PCDH11X: variants seen among roughly 807,000 people sequenced by gnomAD.
PCDH11X encodes the protein protocadherin-11 X-linked.
In PCDH11X, 18 loss-of-function variants were observed where a neutral mutation model predicts 53.3. The ratio of observed to expected loss-of-function variants is 0.34; its 90% CI spans 0.23 to 0.50. The LOEUF (loss-of-function observed/expected upper bound fraction) is 0.50. Ranked by LOEUF, PCDH11X falls within the 20% of genes least tolerant of loss-of-function variation. The pLI, the probability that PCDH11X is intolerant of heterozygous loss-of-function variation, is 0.98. For synonymous variants in PCDH11X, 279 were observed against 393.3 expected (o/e 0.71, Z 3.44); for missense variants, 570 against 1,032.4 (o/e 0.55, Z 6.14).
intron 6 of PCDH11X, among the ~76,000 whole-genome samples, chrX:92,140,956 A>G (rs2065169023): frequency 9.0e-6 from 1 of 111,701 alleles, no homozygotes; most frequent in African/African-American, 3.3e-5. Context: ...AAAAATATCT[A>G]TATAAGTGTT....
intron 6 of PCDH11X, among the ~76,000 whole-genome samples, chrX:92,099,569 A>G (rs1266358445): frequency 1.8e-5 from 2 of 111,806 alleles, no homozygotes; most frequent in Non-Finnish European, 3.8e-5. Flanking sequence ...TGACTCCTGA[A>G]TTCTGTAATA....
chrX:91,969,372 G>A (rs1488885873), intron 6 of PCDH11X, among the ~76,000 whole-genome samples: 1 of 104,606 alleles, frequency 9.6e-6, no homozygotes, highest in African/African-American at 3.6e-5. Context: ...CACTTTATGT[G>A]GATTACTTGG....
chrX:92,380,020 A>G lies in PCDH11X; in HGVS notation c.3145-7715A>G, dbSNP rs7056135. ...CCACGTTGGGGGTGATGAGGATAGA[A>G]GAGAGCATAAGAGAAGAGCTGTGCC... On this transcript the variant is annotated intron_variant, in intron 8 of 10. Coordinates refer to ENST00000682573, the MANE Select transcript of PCDH11X (RefSeq NM_032968.5). Among the ~76,000 whole-genome samples, 635 of 100,431 alleles carry G rather than the reference A, an allele frequency of 6.3e-3. 3 individuals are homozygous for G. Among genetic ancestry groups the G allele is most frequent in the African/African-American group, 0.022 (610 of 27,673 alleles). 87.2% of individuals were successfully genotyped at this position (100,431 alleles called of 115,157 possible).
chrX:92,015,046 AAATG>A (rs1422827825), intron 6 of PCDH11X, among the ~76,000 whole-genome samples: 1 of 111,988 alleles, frequency 8.9e-6, no homozygotes, highest in African/African-American at 3.2e-5. Context: ...AAAAATAAAT[AAATG>A]AAACATGTCA....
At chrX:92,072,104 C>T (rs1229817408) in intron 6 of PCDH11X, among the ~76,000 whole-genome samples, 1 of 110,649 alleles carries the variant, frequency 9.0e-6, no homozygotes, top group Non-Finnish European at 1.9e-5. Context: ...TTCTTCCAGG[C>T]CACCGCTTAT....
intron 6 of PCDH11X, among the ~76,000 whole-genome samples, chrX:92,118,731 C>CTTTTTTTTT (rs199880924): frequency 2.2e-5 from 1 of 45,650 alleles, no homozygotes; most frequent in Non-Finnish European, 4.0e-5. Context: ...ATAATGCAGT[C>CTTTTTTTTT]TTTTTTTTTT....
chrX:92,466,306 C>A (rs899573135), intron 9 of PCDH11X, among the ~76,000 whole-genome samples: 3 of 110,305 alleles, frequency 2.7e-5, no homozygotes, highest in Non-Finnish European at 5.7e-5. Flanking sequence ...AGTGTTGATG[C>A]TTTAAAAATG....
At chrX:92,378,551 C>T (rs751214182) in intron 8 of PCDH11X, among the ~76,000 whole-genome samples, 686 of 110,739 alleles carry the variant, frequency 6.2e-3, no homozygotes, top group African/African-American at 0.022. Context: ...TCTTAATCTG[C>T]TCAGGCTGCT....
intron 8 of PCDH11X, among the ~76,000 whole-genome samples, chrX:92,277,776 G>C (rs982032251): frequency 5.8e-4 from 64 of 110,806 alleles, no homozygotes; most frequent in Non-Finnish European, 7.4e-4. Context: ...CTCTAGAAAA[G>C]TGGGACTTGC....
At chrX:92,132,651 A>ATATATGTATATATATATG (rs1215827163) in intron 6 of PCDH11X, among the ~76,000 whole-genome samples, 2 of 57,012 alleles carry the variant, frequency 3.5e-5, no homozygotes, top group Non-Finnish European at 5.6e-5. Context: ...ATATATATAT[A>ATATATGTATATATATATG]TATATGTATA....
At chrX:91,998,734 A>AT (rs1446199061) in intron 6 of PCDH11X, among the ~76,000 whole-genome samples, 1 of 109,487 alleles carries the variant, frequency 9.1e-6, no homozygotes, top group East Asian at 2.9e-4. Context: ...CTTTTATGTA[A>AT]TTTTTTCCTC....
chrX:92,277,633 A>G (rs77066403), intron 8 of PCDH11X, among the ~76,000 whole-genome samples: 1 of 108,391 alleles, frequency 9.2e-6, no homozygotes, highest in South Asian at 4.2e-4. Flanking sequence ...AGGTCGGGGC[A>G]TGGAAATAAG....
chrX:92,126,638 TTAAAA>T (rs1046161456), intron 6 of PCDH11X, among the ~76,000 whole-genome samples: 2 of 108,076 alleles, frequency 1.9e-5, no homozygotes, highest in East Asian at 2.8e-4. Context: ...AATAAAAAAA[TTAAAA>T]TAAATTTTAA....
intron 8 of PCDH11X, among the ~76,000 whole-genome samples, chrX:92,273,966 A>T (rs984843260): frequency 1.8e-5 from 2 of 109,237 alleles, no homozygotes; most frequent in Non-Finnish European, 3.8e-5. Flanking sequence ...ATCAGCTGTG[A>T]TGGCTTGGAG....
At chrX:92,163,266 C>T (rs1405621367) in intron 6 of PCDH11X, among the ~76,000 whole-genome samples, 1 of 110,256 alleles carries the variant, frequency 9.1e-6, no homozygotes, top group Non-Finnish European at 1.9e-5. Flanking sequence ...ACCAGCCTCC[C>T]CACAGAGAAA....
chrX:92,327,589 C>T (rs1189438871), intron 8 of PCDH11X, among the ~76,000 whole-genome samples: 5 of 99,906 alleles, frequency 5.0e-5, no homozygotes, highest in Non-Finnish European at 1.0e-4. Context: ...CACTGTTTTA[C>T]TTTGGGTCCT....
At chrX:92,499,321 G>C (rs2148693198) in intron 10 of PCDH11X, among the ~76,000 whole-genome samples, 1 of 83,721 alleles carries the variant, frequency 1.2e-5, no homozygotes, top group African/African-American at 4.1e-5. Context: ...TAAAATGATT[G>C]AATATCTGAT....
At chrX:92,554,343 G>A (rs957780226) in intron 10 of PCDH11X, among the ~76,000 whole-genome samples, 3 of 100,357 alleles carry the variant, frequency 3.0e-5, no homozygotes, top group Non-Finnish European at 6.1e-5. Flanking sequence ...ATTATTTACA[G>A]CTAAACACTA....
chrX:92,478,090 G>T (rs1313263231), intron 10 of PCDH11X, among the ~76,000 whole-genome samples: 1 of 110,461 alleles, frequency 9.1e-6, no homozygotes, highest in East Asian at 2.9e-4. Flanking sequence ...ATAAGTGTTT[G>T]ACAGTTTCTC....
Sources: allele counts gnomAD v4.1 joint callset (sites outside exome capture counted in the v4.1 genomes callset), GRCh38; gene constraint gnomAD v4.1.1; transcripts MANE v1.5; gene names NCBI Gene and HGNC (gene_info 2026-07-23, HGNC 2026-07-21).